Variants in DLG2 observed in about 807,000 individuals in gnomAD.
DLG2 encodes discs large MAGUK scaffold protein 2, also known as disks large homolog 2.
DLG2 carries 45 observed loss-of-function variants against 132.5 expected under a neutral mutation model. The ratio of observed to expected loss-of-function variants is 0.34; its 90% CI spans 0.27 to 0.44. The LOEUF (loss-of-function observed/expected upper bound fraction) is 0.44. Ranked by LOEUF, DLG2 falls within the 20% of genes least tolerant of loss-of-function variation. DLG2 has a pLI of 1.00. For missense variants in DLG2, 1,045 were observed against 1,196.9 expected, an observed-to-expected ratio of 0.87 and a Z score of 1.87; for synonymous variants, 424 against 419.6, an observed-to-expected ratio of 1.01 and a Z score of -0.13.
chr11:84,649,351 C>A (rs2099678763), intron 6 of DLG2, among the ~76,000 whole-genome samples: 1 of 152,142 alleles, frequency 6.6e-6, no homozygotes, highest in African/African-American at 2.4e-5. Context: ...AACTATGATA[C>A]TCAGCAGAAA....
intron 9 of DLG2, among the ~76,000 whole-genome samples, chr11:84,104,529 T>C (rs2092768839): frequency 6.6e-6 from 1 of 152,130 alleles, no homozygotes; most frequent in Non-Finnish European, 1.5e-5. Flanking sequence ...CACCACATGA[T>C]ATAACTTTTT....
chr11:83,956,121 C>T (rs1449974885), intron 14 of DLG2, among the ~76,000 whole-genome samples: 1 of 152,174 alleles, frequency 6.6e-6, no homozygotes, highest in Non-Finnish European at 1.5e-5. Context: ...ACCTGTTCTT[C>T]CTGTCCCCTC....
intron 6 of DLG2, among the ~76,000 whole-genome samples, chr11:85,055,159 G>C (rs1037755243): frequency 2.0e-5 from 3 of 152,016 alleles, no homozygotes; most frequent in Admixed American, 2.0e-4. Context: ...TGCTCAAATG[G>C]ACACAATCAT....
At chr11:83,499,885 AT>A in intron 21 of DLG2, among the ~76,000 whole-genome samples, 1 of 96,472 alleles carries the variant, frequency 1.0e-5, no homozygotes, top group Non-Finnish European at 2.1e-5. Context: ...ATATATATAT[AT>A]ATATATATAT....
intron 5 of DLG2, among the ~76,000 whole-genome samples, chr11:85,146,154 G>A (rs886582117): frequency 1.8e-4 from 27 of 151,804 alleles, no homozygotes; most frequent in Admixed American, 1.3e-3. Flanking sequence ...GGATTACTGG[G>A]CAGCAGTCTC....
At chr11:84,502,293 T>TCTTTCTTTCTTTCTTTCTTTCTTTC in intron 7 of DLG2, among the ~76,000 whole-genome samples, 1 of 2,536 alleles carries the variant, frequency 3.9e-4, no homozygotes, top group Non-Finnish European at 6.4e-4. Context: ...TTTCTTTCTT[T>TCTTTCTTTCTTTCTTTCTTTCTTTC]CTTTCTTTCT....
intron 7 of DLG2, among the ~76,000 whole-genome samples, chr11:84,403,372 G>A (rs907258890): frequency 2.6e-5 from 4 of 151,970 alleles, no homozygotes; most frequent in Non-Finnish European, 5.9e-5. Context: ...GTCTTTAAAC[G>A]GTCCCCAGTT....
chr11:84,625,199 A>C (rs1368395993), intron 6 of DLG2, among the ~76,000 whole-genome samples: 1 of 152,096 alleles, frequency 6.6e-6, no homozygotes, highest in Admixed American at 6.5e-5. Context: ...GTCCTTAAAA[A>C]TTTGAAGAAT....
chr11:84,657,937 T>C (rs2099690162), intron 6 of DLG2, among the ~76,000 whole-genome samples: 1 of 152,184 alleles, frequency 6.6e-6, no homozygotes, highest in South Asian at 2.1e-4. Flanking sequence ...TCTCGACCTT[T>C]TTAGTTGGGC....
chr11:83,973,515 C>G (rs2091713189), intron 12 of DLG2, among the ~76,000 whole-genome samples: 1 of 151,940 alleles, frequency 6.6e-6, no homozygotes, highest in Non-Finnish European at 1.5e-5. Context: ...GTGAACTGTT[C>G]TAAATTTTTT....
At chr11:85,565,386 C>A (rs2077475169) in intron 3 of DLG2, among the ~76,000 whole-genome samples, 1 of 151,992 alleles carries the variant, frequency 6.6e-6, no homozygotes, top group Admixed American at 6.6e-5. Context: ...TCACTGTAAT[C>A]ATTTTAAAGT....
intron 7 of DLG2, among the ~76,000 whole-genome samples, chr11:84,393,971 C>T (rs964570742): frequency 1.3e-5 from 2 of 151,986 alleles, no homozygotes; most frequent in African/African-American, 4.8e-5. Flanking sequence ...CTGCAACCTC[C>T]ACCTCCTGGG....
chr11:83,820,673 A>C (rs2153980407), intron 17 of DLG2, among the ~76,000 whole-genome samples: 1 of 152,250 alleles, frequency 6.6e-6, no homozygotes, highest in Middle Eastern at 3.4e-3. Context: ...TGTGGGCCTG[A>C]CAACTGAGGA....
At position 83,724,474 on chromosome 11, in the gene DLG2, TGTGAGAGA is replaced by T. The variant is rs1286709090; in HGVS notation, c.1825+62208_1825+62215del. 4.8e-3 allele frequency among the ~76,000 whole-genome samples: 499 copies of T among 103,478 alleles called. 3 individuals are homozygous for T. In the Middle Eastern group the frequency reaches 0.059, roughly 12 times the overall value. 67.9% of individuals were successfully genotyped at this position (103,478 alleles called of 152,430 possible). On this transcript the variant is annotated intron_variant, in intron 18 of 27. Transcript: ENST00000376104. ...CTCTCTCTCCGTGTGTGTGTGTGTGTGTGAGAGAGAGAGAGAGAGAGAGAGAGAGAGAG... is the reference window on the plus strand; with the variant it reads ...CTCTCTCTCCGTGTGTGTGTGTGTGTGAGAGAGAGAGAGAGAGAGAGAGAG...
chr11:84,560,754 G>T (rs2099426202), intron 6 of DLG2, among the ~76,000 whole-genome samples: 1 of 152,066 alleles, frequency 6.6e-6, no homozygotes, highest in South Asian at 2.1e-4. Flanking sequence ...GCAAGAAAAT[G>T]AGGGGTATGC....
intron 5 of DLG2, among the ~76,000 whole-genome samples, chr11:85,137,401 A>G (rs897540465): frequency 1.3e-5 from 2 of 152,180 alleles, no homozygotes; most frequent in East Asian, 3.9e-4. Flanking sequence ...ACCTGCCGTG[A>G]CACAAAACCT....
intron 8 of DLG2, among the ~76,000 whole-genome samples, chr11:84,171,335 T>C (rs1447936120): frequency 6.6e-6 from 1 of 152,176 alleles, no homozygotes; most frequent in African/African-American, 2.4e-5. Flanking sequence ...GGGCTTTTAG[T>C]GTAAGGATCA....
intron 10 of DLG2, among the ~76,000 whole-genome samples, chr11:84,062,093 A>G (rs2096600542): frequency 6.6e-6 from 1 of 152,172 alleles, no homozygotes; most frequent in South Asian, 2.1e-4. Context: ...GGCTATATAT[A>G]TCTATTCAAA....
intron 6 of DLG2, among the ~76,000 whole-genome samples, chr11:84,861,624 AAAAAAAAAAAAAAAAC>A (rs1448799556): frequency 4.8e-4 from 45 of 93,320 alleles, no homozygotes; most frequent in South Asian, 1.1e-3. Context: ...ACAGCAAAAA[AAAAAAAAAAAAAAAAC>A]AAAAAAAAAA....
Sources: gnomAD v4.1 joint callset for allele counts (sites outside exome capture counted in the v4.1 genomes callset) on GRCh38, gnomAD v4.1.1 for gene constraint, MANE v1.5 for transcripts, NCBI Gene and HGNC (gene_info 2026-07-23, HGNC 2026-07-21) for gene names.